The following PCSK2 variants were observed in gnomAD, a reference collection of about 807,000 sequenced individuals.
The protein encoded by PCSK2 is proprotein convertase subtilisin/kexin type 2, also known as neuroendocrine convertase 2.
PCSK2 carries 14 observed loss-of-function variants against 69.7 expected under a neutral mutation model. The observed-to-expected ratio is 0.20, with a 90% CI of 0.13 to 0.31. The LOEUF (loss-of-function observed/expected upper bound fraction) is 0.31. Among genes scored for constraint, PCSK2 ranks in the 10% least tolerant of loss-of-function variants. PCSK2 has a pLI of 1.00. For missense variants in PCSK2, 544 were observed against 842.5 expected, an observed-to-expected ratio of 0.65 and a Z score of 4.39; for synonymous variants, 307 against 320.7, an observed-to-expected ratio of 0.96 and a Z score of 0.46.
intron 2 of PCSK2, among the ~76,000 whole-genome samples, chr20:17,282,806 C>A (rs1045768469): frequency 6.6e-6 from 1 of 151,478 alleles, no homozygotes; most frequent in South Asian, 2.1e-4. Context: ...TAAAGTGACA[C>A]CTTTTATCTT....
At chr20:17,262,029 T>C (rs1396022945) in intron 2 of PCSK2, among the ~76,000 whole-genome samples, 2 of 152,200 alleles carry the variant, frequency 1.3e-5, no homozygotes, top group Non-Finnish European at 2.9e-5. Context: ...AGAGAGACTA[T>C]TTAGCACCAC....
chr20:17,343,785 G>C (rs1990574951), intron 2 of PCSK2, among the ~76,000 whole-genome samples: 1 of 152,212 alleles, frequency 6.6e-6, no homozygotes, highest in African/African-American at 2.4e-5. Context: ...CGCCGTTAAT[G>C]ATGGAGAAAT....
rs547628958 is a variant in PCSK2 at position 17,483,672 on chromosome 20, C to T, written c.*1602C>T. On this transcript the variant is annotated 3_prime_UTR_variant, in exon 12 of 12. Coordinates refer to ENST00000262545, the MANE Select transcript of PCSK2 (RefSeq NM_002594.5). ...TTTGCTTTCTTTTCTCCCATATTGGCATGGATTTCTGTCTTCTCTAACACC... is the reference window on the plus strand; with the variant it reads ...TTTGCTTTCTTTTCTCCCATATTGGTATGGATTTCTGTCTTCTCTAACACC... 1 of 152,574 alleles carries T rather than the reference C, an allele frequency of 6.6e-6. No individual in the cohort carries two copies. The highest frequency in any genetic ancestry group is 2.1e-4 in the South Asian group (1 of 4,826). 9.5% of individuals were successfully genotyped at this position (152,574 alleles called of 1,614,324 possible).
intron 5 of PCSK2, among the ~76,000 whole-genome samples, chr20:17,394,461 G>A (rs909652578): frequency 6.6e-6 from 1 of 152,146 alleles, no homozygotes; most frequent in African/African-American, 2.4e-5. Context: ...CACTTGGAGC[G>A]AACCGTAGGG....
intron 2 of PCSK2, among the ~76,000 whole-genome samples, chr20:17,298,217 T>C (rs1418416257): frequency 2.6e-5 from 4 of 152,244 alleles, no homozygotes; most frequent in African/African-American, 7.2e-5. Flanking sequence ...TTACTTCCTC[T>C]GTACTTGACT....
At chr20:17,427,845 C>CT (rs1198583068) in intron 6 of PCSK2, among the ~76,000 whole-genome samples, 1 of 152,142 alleles carries the variant, frequency 6.6e-6, no homozygotes, top group Non-Finnish European at 1.5e-5. Flanking sequence ...ATCCAATAGG[C>CT]TAGCCCGGGC....
chr20:17,475,157 G>T (rs891558324), intron 11 of PCSK2, among the ~76,000 whole-genome samples: 98 of 152,068 alleles, frequency 6.4e-4, no homozygotes, highest in African/African-American at 2.0e-3. Context: ...CCCACCGGGG[G>T]CTTTGGAGCA....
chr20:17,409,911 G>A (rs552980909), intron 6 of PCSK2, among the ~76,000 whole-genome samples: 1 of 152,090 alleles, frequency 6.6e-6, no homozygotes, highest in South Asian at 2.1e-4. Flanking sequence ...ATGGAAATGT[G>A]GTCTCTTTTT....
At position 17,471,185 on chromosome 20, in the gene PCSK2, G is replaced by C. The variant is rs1447546847; in HGVS notation, c.1430+5632G>C. 2.0e-5 allele frequency among the ~76,000 whole-genome samples: 3 copies of C among 152,188 alleles called. No homozygotes were observed. In the South Asian group the frequency reaches 6.2e-4, roughly 32 times the overall value. ...GAGATGAACGGCAGTTTATCTCCCA[G>C]TTTCTGAATATGCTTAGCATTCCAT... is the stretch of plus-strand genomic sequence containing the variant. On this transcript the variant is annotated intron_variant, in intron 11 of 11. Coordinates refer to ENST00000262545, the MANE Select transcript of PCSK2 (RefSeq NM_002594.5).
chr20:17,263,235 TA>T (rs1987462411), intron 2 of PCSK2: 1 of 538,912 alleles, frequency 1.9e-6, no homozygotes, highest in South Asian at 8.1e-5. Flanking sequence ...ATTTTTATGC[TA>T]AAAGGAAAAC....
intron 2 of PCSK2, among the ~76,000 whole-genome samples, chr20:17,336,037 CAA>C (rs908357937): frequency 1.3e-5 from 2 of 152,084 alleles, no homozygotes; most frequent in African/African-American, 4.8e-5. Flanking sequence ...TCATCCAGGT[CAA>C]AGAGAGGAAC....
rs755466922 is a variant in PCSK2, at chr20:17,481,592, C to A, written c.1439C>A (p.Pro480Gln). The change falls in exon 12 of 12, where the codon CCA (proline) becomes CAA (glutamine). Residue 480 changes from proline (P) to glutamine (Q), a missense_variant. Around this residue, in one of 3 missense-constraint regions of PCSK2, gnomAD observed 200 missense variants for 287.8 expected, o/e 0.69. Coordinates refer to ENST00000262545, the MANE Select transcript of PCSK2 (RefSeq NM_002594.5). The stretch of plus-strand genomic sequence containing the variant: ...CTTCACTCTGCCCTCAGGAAAATAC[C>A]ATCCACTGGCAAGTTGGTGCTGACA... ...GGSVQDPEKIPSTGKLVLTLT... is the reference protein window; with the variant it reads ...GGSVQDPEKIQSTGKLVLTLT... 1 of 1,613,496 alleles carries A rather than the reference C, an allele frequency of 6.2e-7. No individual in the cohort carries two copies. Among genetic ancestry groups the A allele is most frequent in the Non-Finnish European group, 8.5e-7 (1 of 1,179,784 alleles).
chr20:17,312,198 T>A (rs1989539691), intron 2 of PCSK2, among the ~76,000 whole-genome samples: 1 of 152,154 alleles, frequency 6.6e-6, no homozygotes, highest in Non-Finnish European at 1.5e-5. Context: ...AGCTCACCAT[T>A]CTGGCATAGT....
At position 17,388,565 on chromosome 20, in the gene PCSK2, A is replaced by G. The variant is rs79531603; in HGVS notation, c.543+19288A>G. Among the ~76,000 whole-genome samples the G allele has an allele frequency of 1.6e-3, 244 of 152,238 alleles. 1 individual carries two copies. The highest frequency in any genetic ancestry group is 2.6e-3 in the Non-Finnish European group (177 of 68,016). On this transcript the variant is annotated intron_variant, in intron 5 of 11. Transcript: ENST00000262545. ...TGATATCTGCAAAACATATATCTCT[A>G]AAAAAAGCAGACAAAAACACAATCA... is the stretch of plus-strand genomic sequence containing the variant.
chr20:17,305,453 A>T (rs540862771), intron 2 of PCSK2, among the ~76,000 whole-genome samples: 2 of 152,320 alleles, frequency 1.3e-5, no homozygotes, highest in South Asian at 4.1e-4. Context: ...AAGGGAAGGA[A>T]TCGTGTGTAA....
At chr20:17,303,474 TATATAATATATATTATATTTA>T (rs1989187450) in intron 2 of PCSK2, among the ~76,000 whole-genome samples, 2 of 47,152 alleles carry the variant, frequency 4.2e-5, no homozygotes, top group South Asian at 8.8e-4. Context: ...ATATATATTA[TATATAATATATATTATATTTA>T]ATATAATATA....
intron 2 of PCSK2, among the ~76,000 whole-genome samples, chr20:17,336,487 A>G (rs568399662): frequency 3.9e-5 from 6 of 152,292 alleles, no homozygotes; most frequent in African/African-American, 1.4e-4. Context: ...GGGTAGAAAT[A>G]TTGATTTTCT....
At chr20:17,244,376 G>A (rs1986695414) in intron 1 of PCSK2, among the ~76,000 whole-genome samples, 1 of 152,160 alleles carries the variant, frequency 6.6e-6, no homozygotes, top group African/African-American at 2.4e-5. Flanking sequence ...CACCAACAAT[G>A]GGTTTCTGTC....
chr20:17,414,293 C>G (rs1025778119), intron 6 of PCSK2, among the ~76,000 whole-genome samples: 3 of 151,916 alleles, frequency 2.0e-5, no homozygotes, highest in Admixed American at 6.6e-5. Flanking sequence ...ACTAGCAAGA[C>G]TAATAAAGAT....
Sources: gnomAD v4.1 joint callset for allele counts (sites outside exome capture counted in the v4.1 genomes callset) on GRCh38, gnomAD v4.1.1 for gene constraint, gnomAD v4.1.1 regional missense constraint, MANE v1.5 for transcripts, NCBI Gene and HGNC (gene_info 2026-07-23, HGNC 2026-07-21) for gene names.